SYNE1: variants seen among roughly 807,000 people sequenced by gnomAD.
SYNE1 encodes the protein spectrin repeat containing nuclear envelope protein 1, also known as nesprin-1.
Under a neutral mutation model 1,111.0 loss-of-function variants are expected in SYNE1, and 616 were observed. The observed-to-expected ratio is 0.55, with a 90% CI of 0.52 to 0.59. SYNE1 has a LOEUF of 0.59. Ranked by LOEUF, SYNE1 falls within the 20% of genes least tolerant of loss-of-function variation. The pLI is 0.00. For missense variants in SYNE1, 10,006 were observed against 10,417.0 expected, an observed-to-expected ratio of 0.96 and a Z score of 1.72; for synonymous variants, 3,855 against 3,825.8, an observed-to-expected ratio of 1.01 and a Z score of -0.28.
At position 152,232,247 on chromosome 6, in the gene SYNE1, G is replaced by GC; in HGVS notation, c.20730dup (p.Pro6911AlafsTer8). 6.2e-7 allele frequency: 1 copy of GC among 1,613,928 alleles called. No individual in the cohort carries two copies. The highest frequency in any genetic ancestry group is 1.1e-5 in the South Asian group (1 of 91,084). On this transcript the variant is annotated frameshift_variant, in exon 113 of 146. Coordinates refer to ENST00000367255, the MANE Select transcript of SYNE1 (RefSeq NM_182961.4). LOFTEE classifies it high-confidence loss of function. ...ACTTCAGAAATGGCATGGCGGGAAGGCAGTTTATCCATCTGGAGCTGTCCA... is the reference window on the plus strand; with the variant it reads ...ACTTCAGAAATGGCATGGCGGGAAGGCCAGTTTATCCATCTGGAGCTGTCCA...
Position 152,331,038 on chromosome 6 carries a change from C to G in SYNE1, c.13647G>C (p.Lys4549Asn), listed in dbSNP as rs2096236274. Residue 4549 changes from lysine (K) to asparagine (N), a missense_variant, in exon 78 of 146, where the codon AAG becomes AAC. This residue lies in a region of SYNE1 where 4,955 missense variants were observed against 5,017.2 expected (regional missense o/e 0.99). Transcript: ENST00000367255. Reference protein sequence around the residue: ...LQSVYDSVLQKCSHRLQELEK... With the variant: ...LQSVYDSVLQNCSHRLQELEK... ...CTAGTTCTTGTAACCGGTGACTGCA[C>G]TTTTGTAAAACACTGTCATAGACAC... 1.2e-6 allele frequency: 2 copies of G among 1,614,144 alleles called. No individual in the cohort carries two copies. The highest frequency in any genetic ancestry group is 1.7e-6 in the Non-Finnish European group (2 of 1,180,032).
rs79053392 is a variant in SYNE1, at chr6:152,139,184, T to C, written c.25458+766A>G. Among the ~76,000 whole-genome samples, 689 of 152,332 alleles carry C rather than the reference T, an allele frequency of 4.5e-3. 7 individuals carry two copies. Among genetic ancestry groups the C allele is most frequent in the African/African-American group, 0.016 (660 of 41,582 alleles). ...CCTGGATGCTTCATGAAATTTTAAT[T>C]GGACATTTCTTAAAATATCAATTCA... On this transcript the variant is annotated intron_variant, in intron 140 of 145. Coordinates refer to ENST00000367255, the MANE Select transcript of SYNE1 (RefSeq NM_182961.4).
chr6:152,323,635 G>A lies in SYNE1; in HGVS notation c.15760C>T (p.His5254Tyr). Residue 5254 changes from histidine (H) to tyrosine (Y), a missense_variant, in exon 82 of 146, where the codon CAC (histidine) becomes TAC (tyrosine). By Grantham distance (83) the His-to-Tyr change is moderately conservative. Around this residue, in one of 7 missense-constraint regions of SYNE1, gnomAD observed 4,955 missense variants for 5,017.2 expected, o/e 0.99. Transcript: ENST00000367255. ...KAELLTLLEYHDTFVLELEQQ... is the reference protein window; with the variant it reads ...KAELLTLLEYYDTFVLELEQQ... ...TCCAGCTCCAGAACGAACGTGTCGT[G>A]GTATTCAAGAAGAGTTAAGAGCTCT... 6.2e-7 allele frequency: 1 copy of A among 1,614,174 alleles called. No individual in the cohort carries two copies. The highest frequency in any genetic ancestry group is 8.5e-7 in the Non-Finnish European group (1 of 1,180,046).
chr6:152,360,965 T>C (rs941372206), intron 64 of SYNE1, among the ~76,000 whole-genome samples: 17 of 152,124 alleles, frequency 1.1e-4, no homozygotes, highest in Non-Finnish European at 2.2e-4. Context: ...GAGAGGGACA[T>C]GCAAATATAT....
At chr6:152,519,775 G>A (rs1435485781) in intron 6 of SYNE1, among the ~76,000 whole-genome samples, 1 of 151,944 alleles carries the variant, frequency 6.6e-6, no homozygotes, top group African/African-American at 2.4e-5. Context: ...AACTATAAAG[G>A]GAAAAACAGT....
At chr6:152,505,500 A>C in intron 8 of SYNE1, 103 bp from the exon 9 acceptor site, 2 of 1,240,318 alleles carry the variant, frequency 1.6e-6, no homozygotes, top group Non-Finnish European at 2.3e-6. Flanking sequence ...AACGATATGC[A>C]GAGAGCTGTA....
chr6:152,269,005 GA>G, intron 99 of SYNE1, 149 bp downstream of exon 99: 1 of 1,230,724 alleles, frequency 8.1e-7, no homozygotes, highest in Non-Finnish European at 1.2e-6. Context: ...TCAATACACT[GA>G]AACACCAACA....
chr6:152,434,036 T>C, intron 33 of SYNE1, 91 bp from the exon 34 acceptor site: 1 of 1,186,194 alleles, frequency 8.4e-7, no homozygotes, highest in Non-Finnish European at 1.2e-6. Context: ...GAAGAGATAA[T>C]GAAGACATTT....
At chr6:152,405,808 T>C (rs1230918312) in intron 45 of SYNE1, among the ~76,000 whole-genome samples, 1 of 152,190 alleles carries the variant, frequency 6.6e-6, no homozygotes. Flanking sequence ...CTGATTGCCC[T>C]CAGAGATTGG....
chr6:152,123,105 T>C (rs558328091), intron 145 of SYNE1, among the ~76,000 whole-genome samples: 9 of 152,366 alleles, frequency 5.9e-5, no homozygotes, highest in Non-Finnish European at 1.2e-4. Flanking sequence ...GCTGTCAGAA[T>C]CATACCAAGT....
At chr6:152,263,366 G>A (rs967709546) in intron 100 of SYNE1, among the ~76,000 whole-genome samples, 5 of 151,988 alleles carry the variant, frequency 3.3e-5, no homozygotes, top group Admixed American at 2.0e-4. Context: ...GCAGCAATGT[G>A]ACATCTGAGA....
intron 115 of SYNE1, 34 bp downstream of exon 115, chr6:152,230,513 G>T (rs1398752705): frequency 6.2e-7 from 1 of 1,607,542 alleles, no homozygotes; most frequent in African/African-American, 1.3e-5. Context: ...ATGAAATTGT[G>T]AGATGGTGCA....
At chr6:152,289,699 T>A (rs2153750432) in intron 95 of SYNE1, among the ~76,000 whole-genome samples, 1 of 152,320 alleles carries the variant, frequency 6.6e-6, no homozygotes, top group South Asian at 2.1e-4. Context: ...CAATCTCGGT[T>A]CACTGCAAGC....
chr6:152,293,441 G>T, intron 95 of SYNE1, 147 bp downstream of exon 95: 3 of 757,134 alleles, frequency 4.0e-6, no homozygotes, highest in East Asian at 5.1e-5. Flanking sequence ...CCACCATTAG[G>T]ACCCTTGTTT....
At chr6:152,486,373 A>T (rs929578437) in intron 12 of SYNE1, among the ~76,000 whole-genome samples, 1 of 152,194 alleles carries the variant, frequency 6.6e-6, no homozygotes, top group African/African-American at 2.4e-5. Context: ...GATGAAATGA[A>T]ATTTTCCCTA....
rs1281378448 is a variant in SYNE1, at chr6:152,255,710, G to T, written c.19141C>A (p.Gln6381Lys). Residue 6381 changes from glutamine to lysine, a missense_variant, in exon 103 of 146, where the codon CAG becomes AAG. Transcript: ENST00000367255. ...GAKRQSIHLE[Q>K]KLYDGVSATS... ...GCTGAGACTCCATCATACAACTTCT[G>T]CTCCAAGTGTATACTCTGCCTCTTT... The T allele has an allele frequency of 3.1e-6, 5 of 1,614,180 alleles. No homozygotes were observed. Among genetic ancestry groups the T allele is most frequent in the Admixed American group, 1.7e-5 (1 of 60,020 alleles).
At chr6:152,635,241 G>C (rs2099704182) in intron 2 of SYNE1, among the ~76,000 whole-genome samples, 1 of 152,230 alleles carries the variant, frequency 6.6e-6, no homozygotes, top group Admixed American at 6.5e-5. Flanking sequence ...AAAATCATTA[G>C]TTCAGAAAGA....
intron 5 of SYNE1, among the ~76,000 whole-genome samples, chr6:152,522,285 C>T (rs556243833): frequency 2.0e-4 from 30 of 152,230 alleles, no homozygotes; most frequent in African/African-American, 7.2e-4. Flanking sequence ...GCTTAGCTCT[C>T]ACTTACAAGT....
Position 152,321,658 on chromosome 6 carries a change from A to C in SYNE1, c.16083+63T>G. On this transcript the variant is annotated intron_variant, in intron 83 of 145. Coordinates refer to ENST00000367255, the MANE Select transcript of SYNE1 (RefSeq NM_182961.4). Reference sequence around the variant, plus strand: ...CAATAAATACAAACAAGTATGTTCAACTAAAATCAGGGCAATTGTTTTTGA... The same window carrying C: ...CAATAAATACAAACAAGTATGTTCACCTAAAATCAGGGCAATTGTTTTTGA... 6 of 1,596,530 alleles carry C rather than the reference A, an allele frequency of 3.8e-6. No homozygotes were observed. The African/African-American group carries it at 4.0e-5, about 11-fold the overall frequency.
Sources: allele counts gnomAD v4.1 joint callset (sites outside exome capture counted in the v4.1 genomes callset), GRCh38; gene constraint gnomAD v4.1.1; regional missense constraint gnomAD v4.1.1; transcripts MANE v1.5; gene names NCBI Gene and HGNC (gene_info 2026-07-23, HGNC 2026-07-21).